The following CTNND2 variants were observed in gnomAD, a reference collection of about 807,000 sequenced individuals.
CTNND2 encodes the protein catenin delta-2.
Under a neutral mutation model 144.4 loss-of-function variants are expected in CTNND2, and 22 were observed. That is an observed-to-expected ratio of 0.15 (90% CI 0.11 to 0.22). The LOEUF is 0.22. CTNND2 is among the 10% of genes least tolerant of loss of function. CTNND2 has a pLI of 1.00. For missense variants in CTNND2, 1,353 were observed against 1,618.8 expected, an observed-to-expected ratio of 0.84 and a Z score of 2.82; for synonymous variants, 751 against 695.6, an observed-to-expected ratio of 1.08 and a Z score of -1.25.
chr5:11,555,604 G>C (rs1026174723), intron 3 of CTNND2, among the ~76,000 whole-genome samples: 2 of 152,000 alleles, frequency 1.3e-5, no homozygotes, highest in Non-Finnish European at 2.9e-5. Context: ...AAGTATTTTA[G>C]AATATCCCTC....
rs141171628 is a variant in CTNND2 at position 11,501,385 on chromosome 5, T to TCCTG, written c.287+63555_287+63558dup. ...AGAATGACATTCCAGAACTGTGTAC[T>TCCTG]CCTGGCAAGAGTTCCCACACTTTAC... On this transcript the variant is annotated intron_variant, in intron 3 of 21. Coordinates refer to ENST00000304623, the MANE Select transcript of CTNND2 (RefSeq NM_001332.4). 6.8e-3 allele frequency among the ~76,000 whole-genome samples: 1,032 copies of TCCTG among 152,292 alleles called. 15 individuals carry two copies. Among genetic ancestry groups the TCCTG allele is most frequent in the African/African-American group, 0.024 (990 of 41,562 alleles).
intron 15 of CTNND2, among the ~76,000 whole-genome samples, chr5:11,090,894 G>A (rs1750703439): frequency 6.6e-6 from 1 of 151,294 alleles, no homozygotes; most frequent in Non-Finnish European, 1.5e-5. Flanking sequence ...TCCTTATCTT[G>A]TATGGAACAT....
chr5:11,293,739 A>G (rs1005399434), intron 9 of CTNND2, among the ~76,000 whole-genome samples: 1 of 149,092 alleles, frequency 6.7e-6, no homozygotes, highest in South Asian at 2.1e-4. Context: ...CACAGAATAC[A>G]ACCACCTTTT....
At chr5:11,622,732 A>G (rs575707181) in intron 2 of CTNND2, among the ~76,000 whole-genome samples, 96 of 152,246 alleles carry the variant, frequency 6.3e-4, no homozygotes, top group Admixed American at 2.8e-3. Context: ...ACCCTCAAAA[A>G]TATATTCTGA....
At chr5:11,129,314 A>AAATATATAATATATAT (rs1453790936) in intron 12 of CTNND2, among the ~76,000 whole-genome samples, 12,923 of 99,562 alleles carry the variant, frequency 0.13, 1,840 homozygotes, top group East Asian at 0.42. Flanking sequence ...ATATATATAA[A>AAATATATAATATATAT]TATATATAAT....
At chr5:11,166,291 C>A (rs1759321657) in intron 11 of CTNND2, among the ~76,000 whole-genome samples, 1 of 149,946 alleles carries the variant, frequency 6.7e-6, no homozygotes, top group Non-Finnish European at 1.5e-5. Flanking sequence ...CTCTGTCACC[C>A]AGGCTGGAGT....
intron 9 of CTNND2, 51 bp from the exon 10 acceptor site, chr5:11,236,874 A>G (rs1561068314): frequency 6.3e-7 from 1 of 1,591,892 alleles, no homozygotes; most frequent in Non-Finnish European, 8.6e-7. Context: ...ATCCTACCAC[A>G]CTGTTAACAC....
intron 12 of CTNND2, among the ~76,000 whole-genome samples, chr5:11,137,552 G>A (rs1453158126): frequency 6.6e-6 from 1 of 152,186 alleles, no homozygotes; most frequent in Non-Finnish European, 1.5e-5. Context: ...TTGTAGATAA[G>A]CTCTTACAAA....
At chr5:11,792,284 T>G (rs1047256678) in intron 1 of CTNND2, among the ~76,000 whole-genome samples, 6 of 98,350 alleles carry the variant, frequency 6.1e-5, no homozygotes, top group Non-Finnish European at 1.0e-4. Flanking sequence ...CGAGACACAA[T>G]TTTCTTTAAA....
intron 2 of CTNND2, among the ~76,000 whole-genome samples, chr5:11,686,638 G>A (rs1581720579): frequency 6.6e-6 from 1 of 151,754 alleles, no homozygotes; most frequent in Admixed American, 6.6e-5. Flanking sequence ...ATAGTAGAAG[G>A]AGAAGAAATG....
chr5:11,316,004 C>G (rs1289034837), intron 9 of CTNND2, among the ~76,000 whole-genome samples: 1 of 152,158 alleles, frequency 6.6e-6, no homozygotes, highest in Non-Finnish European at 1.5e-5. Flanking sequence ...AGGAAAAGAG[C>G]ATTTATCCTG....
intron 2 of CTNND2, among the ~76,000 whole-genome samples, chr5:11,601,703 C>G (rs1779807282): frequency 6.6e-6 from 1 of 151,996 alleles, no homozygotes. Flanking sequence ...CACTTTTGAT[C>G]TTCTTAATAA....
At chr5:11,340,973 C>T (rs955279253) in intron 9 of CTNND2, among the ~76,000 whole-genome samples, 3 of 152,186 alleles carry the variant, frequency 2.0e-5, no homozygotes, top group African/African-American at 7.2e-5. Context: ...CTGTTATAAA[C>T]ATTGTTGTCA....
intron 3 of CTNND2, among the ~76,000 whole-genome samples, chr5:11,514,153 G>T (rs1771923649): frequency 1.3e-5 from 2 of 151,748 alleles, no homozygotes; most frequent in South Asian, 2.1e-4. Context: ...CCACTGCATT[G>T]TAGCCTGGAC....
chr5:11,628,480 CA>C lies in CTNND2; in HGVS notation c.175-63425del, dbSNP rs535605083. Among the ~76,000 whole-genome samples the C allele has an allele frequency of 2.0e-5, 3 of 152,288 alleles. No individual in the cohort carries two copies. The South Asian group carries it at 6.2e-4, about 32-fold the overall frequency. On this transcript the variant is annotated intron_variant, in intron 2 of 21. Transcript: ENST00000304623. ...GGCAGAAGTAACCTGCCCAAGGTCA[CA>C]CAAAGAGTATGTGACACAACATGAG...
chr5:11,374,134 C>T (rs896800720), intron 7 of CTNND2, among the ~76,000 whole-genome samples: 1 of 152,116 alleles, frequency 6.6e-6, no homozygotes, highest in East Asian at 1.9e-4. Context: ...TGTAACCATA[C>T]CCTTCAAGTG....
chr5:10,976,882 A>G (rs1178671203), intron 21 of CTNND2, among the ~76,000 whole-genome samples: 1 of 152,236 alleles, frequency 6.6e-6, no homozygotes, highest in Non-Finnish European at 1.5e-5. Flanking sequence ...AAAATGAAGG[A>G]GGCCAGATAT....
intron 10 of CTNND2, among the ~76,000 whole-genome samples, chr5:11,218,997 A>T (rs927639174): frequency 2.6e-5 from 4 of 152,200 alleles, no homozygotes; most frequent in African/African-American, 7.2e-5. Context: ...TGGATATGAG[A>T]TGAGACCTTT....
At chr5:11,173,335 AT>A (rs916157929) in intron 11 of CTNND2, among the ~76,000 whole-genome samples, 2 of 152,152 alleles carry the variant, frequency 1.3e-5, no homozygotes, top group Non-Finnish European at 2.9e-5. Flanking sequence ...ACGGCTCCCA[AT>A]TTTCCCAAGT....
Sources: allele counts gnomAD v4.1 joint callset (sites outside exome capture counted in the v4.1 genomes callset), GRCh38; gene constraint gnomAD v4.1.1; transcripts MANE v1.5; gene names NCBI Gene and HGNC (gene_info 2026-07-23, HGNC 2026-07-21).